Variants in KCNK2 observed in about 807,000 individuals in gnomAD.
KCNK2 encodes potassium two pore domain channel subfamily K member 2.
In KCNK2, 21 loss-of-function variants were observed where a neutral mutation model predicts 40.5. That is an observed-to-expected ratio of 0.52 (90% CI 0.37 to 0.75). The LOEUF is 0.75. Among genes scored for constraint, KCNK2 ranks in the 30% least tolerant of loss-of-function variants. KCNK2 has a pLI of 0.00. For synonymous variants in KCNK2, 191 were observed against 202.2 expected (o/e 0.94, Z 0.47); for missense variants, 399 against 531.6 (o/e 0.75, Z 2.45).
intron 2 of KCNK2, among the ~76,000 whole-genome samples, chr1:215,097,398 C>G (rs915515043): frequency 6.6e-6 from 1 of 151,468 alleles, no homozygotes; most frequent in Non-Finnish European, 1.5e-5. Context: ...TCTTTCTCTT[C>G]CCTCCCCCAT....
intron 2 of KCNK2, among the ~76,000 whole-genome samples, chr1:215,121,892 T>G (rs1259151470): frequency 6.6e-6 from 1 of 152,208 alleles, no homozygotes; most frequent in Non-Finnish European, 1.5e-5. Flanking sequence ...CAAGAACATC[T>G]TAAAAATCAG....
At chr1:215,148,489 T>C (rs1662537526) in intron 3 of KCNK2, among the ~76,000 whole-genome samples, 1 of 152,154 alleles carries the variant, frequency 6.6e-6, no homozygotes, top group Non-Finnish European at 1.5e-5. Flanking sequence ...AGTAGAACTA[T>C]CTAGATCTGA....
At chr1:215,204,404 T>C (rs1262485529) in intron 6 of KCNK2, among the ~76,000 whole-genome samples, 1 of 152,088 alleles carries the variant, frequency 6.6e-6, no homozygotes, top group Admixed American at 6.5e-5. Flanking sequence ...TTGTAAATAA[T>C]AGGAAAATAA....
chr1:215,213,047 C>T (rs1049744188), intron 6 of KCNK2, among the ~76,000 whole-genome samples: 3 of 152,126 alleles, frequency 2.0e-5, no homozygotes, highest in Non-Finnish European at 2.9e-5. Flanking sequence ...GTGAGGGGGG[C>T]TTATGCTTGA....
At chr1:215,190,077 G>T (rs1026106974) in intron 5 of KCNK2, among the ~76,000 whole-genome samples, 13 of 152,240 alleles carry the variant, frequency 8.5e-5, no homozygotes, top group Non-Finnish European at 1.8e-4. Context: ...GAGTGGCTAG[G>T]TTATCCTTTA....
intron 6 of KCNK2, among the ~76,000 whole-genome samples, chr1:215,208,276 A>G (rs1417180560): frequency 1.3e-5 from 2 of 152,198 alleles, no homozygotes; most frequent in African/African-American, 2.4e-5. Flanking sequence ...CAAATACTGC[A>G]TGTTCTCACT....
chr1:215,018,266 A>T (rs901365628), intron 1 of KCNK2, among the ~76,000 whole-genome samples: 1 of 152,178 alleles, frequency 6.6e-6, no homozygotes, highest in African/African-American at 2.4e-5. Context: ...TCATTTTCCC[A>T]CTAAAAGAAT....
intron 6 of KCNK2, among the ~76,000 whole-genome samples, chr1:215,228,141 C>T (rs1028029245): frequency 3.3e-5 from 5 of 151,944 alleles, no homozygotes; most frequent in African/African-American, 7.3e-5. Context: ...TTGAAACAAT[C>T]GGAAGGATGT....
chr1:215,211,798 C>A (rs568496516), intron 6 of KCNK2, among the ~76,000 whole-genome samples: 3 of 152,122 alleles, frequency 2.0e-5, no homozygotes, highest in East Asian at 3.9e-4. Flanking sequence ...ATTAATATAT[C>A]TATATCTCAC....
chr1:215,120,423 T>G (rs2102575250), intron 2 of KCNK2, among the ~76,000 whole-genome samples: 1 of 152,304 alleles, frequency 6.6e-6, no homozygotes, highest in Admixed American at 6.5e-5. Flanking sequence ...CATATACAAC[T>G]GCTAAATATT....
In KCNK2 at chr1:215,121,264, G is replaced by A. The variant is rs545668474; in HGVS notation, c.358-3369G>A. On this transcript the variant is annotated intron_variant, in intron 2 of 6. Transcript: ENST00000444842. ...AAATGTGGTCCTCAAGACCCCCTCA[G>A]AGGTTTGTTAAGATCCAAGTTATTT... 3.2e-4 allele frequency among the ~76,000 whole-genome samples: 49 copies of A among 152,208 alleles called. No individual in the cohort carries two copies. In the South Asian group the frequency reaches 9.1e-3, roughly 28 times the overall value.
intron 1 of KCNK2, among the ~76,000 whole-genome samples, chr1:215,025,392 C>T (rs115948006): frequency 0.043 from 6,594 of 151,992 alleles, 206 homozygotes; most frequent in Middle Eastern, 0.099. Context: ...CATTTTCTTT[C>T]CTTTTTCTGT....
intron 3 of KCNK2, among the ~76,000 whole-genome samples, chr1:215,137,670 A>G (rs1378129615): frequency 6.6e-6 from 1 of 152,230 alleles, no homozygotes; most frequent in Non-Finnish European, 1.5e-5. Context: ...CTTCAGGTGA[A>G]TAGTCTAAAT....
intron 2 of KCNK2, among the ~76,000 whole-genome samples, chr1:215,097,707 T>C: frequency 6.6e-6 from 1 of 152,008 alleles, no homozygotes; most frequent in East Asian, 1.9e-4. Context: ...GATGGTGTGA[T>C]TCTTTTAAAG....
chr1:215,060,138 G>A (rs1658318288), intron 1 of KCNK2, among the ~76,000 whole-genome samples: 1 of 152,222 alleles, frequency 6.6e-6, no homozygotes, highest in African/African-American at 2.4e-5. Flanking sequence ...CCCTGGACCT[G>A]TAGACCTGGC....
At position 215,109,117 on chromosome 1, in the gene KCNK2, T is replaced by A. The variant is rs373221953; in HGVS notation, c.358-15516T>A. Among the ~76,000 whole-genome samples, 92 of 132,398 alleles carry A rather than the reference T, an allele frequency of 6.9e-4. 1 individual carries two copies. The South Asian group carries it at 0.019, about 27-fold the overall frequency. The allele number at this position is 132,398 out of a possible 152,430, so 86.9% of individuals were successfully genotyped here. On this transcript the variant is annotated intron_variant, in intron 2 of 6. Coordinates refer to ENST00000444842, the MANE Select transcript of KCNK2 (RefSeq NM_001017425.3). ...CATAGTTATGGAGTACATGTTAAAT[T>A]TTGTTGCATGCATAGAATGTGTAAT... is the stretch of plus-strand genomic sequence containing the variant.
Position 215,007,039 on chromosome 1 carries a change from G to GTGTGTGTATATATATA in KCNK2, c.34+1091_34+1092insATATATATATGTGTGT, listed in dbSNP as rs1558053935. On this transcript the variant is annotated intron_variant, in intron 1 of 6. Coordinates refer to the KCNK2 transcript ENST00000391895. ...TATATATATATATATATATATATAT[G>GTGTGTGTATATATATA]TGTGTGTGTGTATATATATATGTGT... is the stretch of plus-strand genomic sequence containing the variant. Among the ~76,000 whole-genome samples, 30 of 69,696 alleles carry GTGTGTGTATATATATA rather than the reference G, an allele frequency of 4.3e-4. 1 individual carries two copies. The highest frequency in any genetic ancestry group is 1.4e-3 in the East Asian group (4 of 2,866). 45.7% of individuals were successfully genotyped at this position (69,696 alleles called of 152,430 possible).
intron 6 of KCNK2, among the ~76,000 whole-genome samples, chr1:215,225,689 T>C (rs973841073): frequency 7.2e-5 from 11 of 152,162 alleles, no homozygotes; most frequent in Non-Finnish European, 1.3e-4. Flanking sequence ...CCATGTTGGG[T>C]ACTTTTATGA....
Position 215,230,559 on chromosome 1 carries a change from C to CATATAT in KCNK2, c.964-4257_964-4252dup, listed in dbSNP as rs71167818. On this transcript the variant is annotated intron_variant, in intron 6 of 6. Coordinates refer to ENST00000444842, the MANE Select transcript of KCNK2 (RefSeq NM_001017425.3). ...TATATATATACACACACATAACAGC[C>CATATAT]ATATATATATATATATACAAGACCG... is the stretch of plus-strand genomic sequence containing the variant. 9.1e-4 allele frequency among the ~76,000 whole-genome samples: 100 copies of CATATAT among 109,478 alleles called. 2 individuals carry two copies. The highest frequency in any genetic ancestry group is 3.7e-3 in the African/African-American group (93 of 24,942). 71.8% of individuals were successfully genotyped at this position (109,478 alleles called of 152,430 possible). A position where few individuals can be genotyped will look rare whatever the true frequency, so the allele number is the denominator to read the frequency against.
Sources: gnomAD v4.1 joint callset for allele counts (sites outside exome capture counted in the v4.1 genomes callset) on GRCh38, gnomAD v4.1.1 for gene constraint, MANE v1.5 for transcripts, NCBI Gene and HGNC (gene_info 2026-07-23, HGNC 2026-07-21) for gene names.